Variants in BCL2 observed in about 807,000 individuals in gnomAD.
The protein encoded by BCL2 is BCL2 apoptosis regulator, also known as apoptosis regulator Bcl-2.
BCL2 carries 1 observed loss-of-function variant against 14.2 expected under a neutral mutation model. The observed-to-expected ratio is 0.07, with a 90% CI of 0.02 to 0.33. The LOEUF is 0.33. Ranked by LOEUF, BCL2 falls within the 10% of genes least tolerant of loss-of-function variation. BCL2 has a pLI of 0.99. For missense variants in BCL2, 247 were observed against 305.9 expected (o/e 0.81, Z 1.44); for synonymous variants, 151 against 137.2 (o/e 1.10, Z -0.70).
intron 2 of BCL2, among the ~76,000 whole-genome samples, chr18:63,211,773 A>G (rs1599247371): frequency 6.6e-6 from 1 of 152,232 alleles, no homozygotes; most frequent in South Asian, 2.1e-4. Flanking sequence ...GTGTCTCACC[A>G]CAGCTAACGC....
chr18:63,231,482 A>G (rs1910686131), intron 2 of BCL2, among the ~76,000 whole-genome samples: 1 of 152,070 alleles, frequency 6.6e-6, no homozygotes, highest in Admixed American at 6.5e-5. Context: ...AACAATTACA[A>G]GAAATAAGAG....
chr18:63,160,124 C>T (rs142154037), intron 2 of BCL2, among the ~76,000 whole-genome samples: 2 of 152,322 alleles, frequency 1.3e-5, no homozygotes, highest in African/African-American at 4.8e-5. Context: ...GCCCTTGGAG[C>T]CACTTTGTTT....
At chr18:63,317,856 A>G in intron 2 of BCL2, 1 of 1,406,444 alleles carries the variant, frequency 7.1e-7, no homozygotes, top group Non-Finnish European at 9.2e-7. Flanking sequence ...TTGGATCTCC[A>G]CGACTAGCAA....
At chr18:63,199,005 A>AGT (rs1909594436) in intron 2 of BCL2, among the ~76,000 whole-genome samples, 1 of 149,426 alleles carries the variant, frequency 6.7e-6, no homozygotes, top group Non-Finnish European at 1.5e-5. Flanking sequence ...AGACATACAC[A>AGT]GACACACACA....
At position 63,318,773 on chromosome 18, in the gene BCL2, A is replaced by T. The variant is rs1304457696; in HGVS notation, c.-107T>A. The T allele has an allele frequency of 6.6e-7, 1 of 1,526,510 alleles. No individual in the cohort carries two copies. The highest frequency in any genetic ancestry group is 8.8e-7 in the Non-Finnish European group (1 of 1,139,646). 94.6% of individuals were successfully genotyped at this position (1,526,510 alleles called of 1,614,324 possible). On this transcript the variant is annotated 5_prime_UTR_variant, in exon 2 of 3. Transcript: ENST00000333681. This position sits in a 1 kb window ranked among gnomAD's most constrained non-coding sequence, Gnocchi z 7.4. The stretch of plus-strand genomic sequence containing the variant: ...AGTTATAATCCAGCTATTTTATTGG[A>T]TGTGCTTTGCATTCTTGGACGAGGG...
chr18:63,202,082 G>C (rs1331154326), intron 2 of BCL2, among the ~76,000 whole-genome samples: 1 of 152,198 alleles, frequency 6.6e-6, no homozygotes, highest in Admixed American at 6.5e-5. Context: ...GCCGAAGCAG[G>C]CGGATCACTT....
intron 2 of BCL2, among the ~76,000 whole-genome samples, chr18:63,231,009 A>G (rs1910673957): frequency 6.6e-6 from 1 of 152,070 alleles, no homozygotes; most frequent in Non-Finnish European, 1.5e-5. Context: ...TATCATGTTT[A>G]TCACACAATA....
At chr18:63,313,295 G>A (rs1170903523) in intron 2 of BCL2, among the ~76,000 whole-genome samples, 1 of 152,154 alleles carries the variant, frequency 6.6e-6, no homozygotes, top group Non-Finnish European at 1.5e-5. Context: ...TGGAATAACT[G>A]TCAGTCCTTG....
intron 2 of BCL2, among the ~76,000 whole-genome samples, chr18:63,313,365 C>A (rs1913396511): frequency 6.6e-6 from 1 of 152,162 alleles, no homozygotes; most frequent in Admixed American, 6.6e-5. Flanking sequence ...TAAGCCAAAC[C>A]AAGAGGGATG....
intron 2 of BCL2, chr18:63,313,868 T>C (rs1334180147): frequency 6.6e-6 from 1 of 152,236 alleles, no homozygotes; most frequent in Non-Finnish European, 1.5e-5. Flanking sequence ...TGTGGCCTGA[T>C]GACATTTAAG....
intron 2 of BCL2, among the ~76,000 whole-genome samples, chr18:63,145,821 A>G (rs1314790870): frequency 6.6e-6 from 1 of 152,206 alleles, no homozygotes; most frequent in Non-Finnish European, 1.5e-5. Context: ...GAATCACAGC[A>G]TCCTTCATGC....
chr18:63,140,945 G>A (rs996546301), intron 2 of BCL2, among the ~76,000 whole-genome samples: 1 of 152,142 alleles, frequency 6.6e-6, no homozygotes, highest in East Asian at 1.9e-4. Flanking sequence ...GGAATGAGAC[G>A]CTGCTGGTTA....
intron 2 of BCL2, among the ~76,000 whole-genome samples, 163 bp from the exon 3 acceptor site, chr18:63,128,922 C>G (rs1424206416): frequency 2.6e-5 from 4 of 152,182 alleles, no homozygotes; most frequent in Non-Finnish European, 5.9e-5. Context: ...GATTCAGAAA[C>G]CACTGTTTTC....
At chr18:63,195,789 T>C (rs539427531) in intron 2 of BCL2, among the ~76,000 whole-genome samples, 2 of 152,314 alleles carry the variant, frequency 1.3e-5, no homozygotes, top group Non-Finnish European at 1.5e-5. Flanking sequence ...ACCTCTATTT[T>C]TATAGGGCCT....
intron 2 of BCL2, among the ~76,000 whole-genome samples, chr18:63,150,524 TTCTC>T (rs1858024676): frequency 6.7e-6 from 1 of 149,092 alleles, no homozygotes; most frequent in African/African-American, 2.4e-5. Flanking sequence ...ATTCCCCACT[TTCTC>T]TCCGCATTTT....
intron 2 of BCL2, among the ~76,000 whole-genome samples, chr18:63,251,488 CA>C (rs1474236028): frequency 6.6e-6 from 1 of 151,066 alleles, no homozygotes; most frequent in African/African-American, 2.4e-5. Flanking sequence ...CTAAAAAATA[CA>C]AAAAAATTAG....
At chr18:63,282,806 T>C (rs1912353486) in intron 2 of BCL2, among the ~76,000 whole-genome samples, 1 of 152,220 alleles carries the variant, frequency 6.6e-6, no homozygotes, top group African/African-American at 2.4e-5. Context: ...TATATCATAA[T>C]AGCACAAGTT....
chr18:63,258,672 C>T (rs1449962758), intron 2 of BCL2, among the ~76,000 whole-genome samples: 2 of 152,254 alleles, frequency 1.3e-5, no homozygotes, highest in East Asian at 1.9e-4. Context: ...TCCCTATACA[C>T]GGTCTCCGGC....
At chr18:63,295,465 G>C (rs1912773439) in intron 2 of BCL2, among the ~76,000 whole-genome samples, 1 of 152,114 alleles carries the variant, frequency 6.6e-6, no homozygotes, top group South Asian at 2.1e-4. Context: ...ATCATTGATA[G>C]CTTATTAATA....
Sources: allele counts gnomAD v4.1 joint callset (sites outside exome capture counted in the v4.1 genomes callset), GRCh38; gene constraint gnomAD v4.1.1; non-coding constraint Gnocchi (gnomAD v3.1); transcripts MANE v1.5; gene names NCBI Gene and HGNC (gene_info 2026-07-23, HGNC 2026-07-21).